The following DOCK4 variants were observed in gnomAD, a reference collection of about 807,000 sequenced individuals.
The protein encoded by DOCK4 is dedicator of cytokinesis protein 4.
Under a neutral mutation model 268.1 loss-of-function variants are expected in DOCK4, and 97 were observed. The ratio of observed to expected loss-of-function variants is 0.36; its 90% CI spans 0.31 to 0.43. DOCK4 has a LOEUF of 0.43. Ranked by LOEUF, DOCK4 falls within the 20% of genes least tolerant of loss-of-function variation. The pLI, the probability that DOCK4 is intolerant of heterozygous loss-of-function variation, is 1.00. For missense variants in DOCK4, 2,145 were observed against 2,455.7 expected (o/e 0.87, Z 2.67); for synonymous variants, 954 against 887.2 (o/e 1.08, Z -1.34).
chr7:111,908,461 A>AAATAATAACAAT (rs1554366845), intron 13 of DOCK4, among the ~76,000 whole-genome samples: 1 of 150,148 alleles, frequency 6.7e-6, no homozygotes, highest in Non-Finnish European at 1.5e-5. Flanking sequence ...AAAATAAATA[A>AAATAATAACAAT]AATAATAATA....
chr7:111,898,527 CT>C (rs1790860363), intron 15 of DOCK4, among the ~76,000 whole-genome samples: 1 of 152,220 alleles, frequency 6.6e-6, no homozygotes, highest in East Asian at 1.9e-4. Context: ...GGAATGAAAG[CT>C]CTGTGAGCGG....
intron 32 of DOCK4, 129 bp from the exon 33 acceptor site, chr7:111,784,252 G>T (rs1799001376): frequency 1.8e-6 from 2 of 1,096,096 alleles, no homozygotes; most frequent in Non-Finnish European, 2.7e-6. Context: ...TTTTTTCCTA[G>T]CTTCTCCCTT....
chr7:112,151,979 CTA>C (rs1298871899), intron 1 of DOCK4, among the ~76,000 whole-genome samples: 1 of 143,962 alleles, frequency 6.9e-6, no homozygotes, highest in Admixed American at 6.9e-5. Flanking sequence ...AAAAAAAAAA[CTA>C]ATTCTAGCTA....
At chr7:111,848,080 A>C (rs1213292681) in intron 23 of DOCK4, among the ~76,000 whole-genome samples, 1 of 152,154 alleles carries the variant, frequency 6.6e-6, no homozygotes, top group Non-Finnish European at 1.5e-5. Flanking sequence ...TGTTCTTCAG[A>C]TCTGGGAATT....
chr7:111,756,511 G>C (rs1231998702), intron 41 of DOCK4, among the ~76,000 whole-genome samples: 1 of 149,948 alleles, frequency 6.7e-6, no homozygotes, highest in African/African-American at 2.5e-5. Context: ...GTGCTTGTTT[G>C]AACTGCTGTT....
At chr7:112,021,856 T>C (rs1156791419) in intron 1 of DOCK4, among the ~76,000 whole-genome samples, 1 of 152,192 alleles carries the variant, frequency 6.6e-6, no homozygotes, top group African/African-American at 2.4e-5. Context: ...CTAGTTTACA[T>C]GAGCCAGCTG....
At chr7:112,184,523 C>CT (rs1481352448) in intron 1 of DOCK4, among the ~76,000 whole-genome samples, 7 of 151,552 alleles carry the variant, frequency 4.6e-5, no homozygotes, top group East Asian at 1.9e-4. Context: ...ATTCATTTTT[C>CT]TTTTTTTTTC....
At chr7:111,814,243 T>A (rs900992121) in intron 27 of DOCK4, among the ~76,000 whole-genome samples, 8 of 152,142 alleles carry the variant, frequency 5.3e-5, no homozygotes, top group African/African-American at 1.7e-4. Flanking sequence ...ACACACAAAA[T>A]ATATTTGTGG....
At chr7:111,787,791 T>TAC (rs1799279397) in intron 32 of DOCK4, among the ~76,000 whole-genome samples, 1 of 152,232 alleles carries the variant, frequency 6.6e-6, no homozygotes, top group South Asian at 2.1e-4. Context: ...AAAAATGTGT[T>TAC]ACTGCATTAT....
chr7:111,960,677 C>G (rs1458294998), intron 8 of DOCK4, among the ~76,000 whole-genome samples: 1 of 151,774 alleles, frequency 6.6e-6, no homozygotes, highest in Non-Finnish European at 1.5e-5. Flanking sequence ...ATTTTGTATC[C>G]TTCTTTTCCA....
Position 111,900,464 on chromosome 7 carries a change from T to G in DOCK4, c.1390A>C (p.Ser464Arg). The part of the protein sequence containing the change: ...YHSFVLYHNN[S>R]PRWSELLKLP... ...TTCAGCAGTTCAGACCACCTGGGACTGTTGTTATGGTAAAGCACAAAGGAG... is the reference window on the plus strand; with the variant it reads ...TTCAGCAGTTCAGACCACCTGGGACGGTTGTTATGGTAAAGCACAAAGGAG... The change falls in exon 15 of 53, where the codon AGT (serine) becomes CGT (arginine). Residue 464 changes from serine (S) to arginine (R), a missense_variant. Around this residue, in one of 2 missense-constraint regions of DOCK4, gnomAD observed 1,598 missense variants for 1,986.7 expected, o/e 0.80. Coordinates refer to ENST00000428084, the MANE Select transcript of DOCK4 (RefSeq NM_001363540.2). 6.2e-7 allele frequency: 1 copy of G among 1,613,336 alleles called. No individual in the cohort carries two copies. Among genetic ancestry groups the G allele is most frequent in the Non-Finnish European group, 8.5e-7 (1 of 1,179,688 alleles).
chr7:111,932,649 C>G (rs1794296495), intron 12 of DOCK4, among the ~76,000 whole-genome samples: 1 of 152,054 alleles, frequency 6.6e-6, no homozygotes, highest in Non-Finnish European at 1.5e-5. Context: ...CATTATTTAT[C>G]CCAATATATC....
At chr7:112,125,237 C>G (rs896498946) in intron 1 of DOCK4, among the ~76,000 whole-genome samples, 1 of 151,580 alleles carries the variant, frequency 6.6e-6, no homozygotes, top group African/African-American at 2.4e-5. Context: ...AGACAATGCT[C>G]CCCCCCTGCC....
At chr7:111,904,950 C>T (rs940925478) in intron 13 of DOCK4, among the ~76,000 whole-genome samples, 3 of 152,212 alleles carry the variant, frequency 2.0e-5, no homozygotes, top group African/African-American at 7.2e-5. Context: ...CTGTCACTAT[C>T]CCTGTAACCC....
intron 12 of DOCK4, among the ~76,000 whole-genome samples, chr7:111,923,242 G>T (rs573462002): frequency 6.6e-6 from 1 of 152,194 alleles, no homozygotes; most frequent in Non-Finnish European, 1.5e-5. Context: ...GCTATTTTAT[G>T]TAAGGGACTT....
intron 8 of DOCK4, among the ~76,000 whole-genome samples, chr7:111,970,397 T>C (rs139868310): frequency 9.5e-4 from 144 of 152,268 alleles, no homozygotes; most frequent in African/African-American, 3.1e-3. Context: ...ATCCACTGTA[T>C]AGAGTGTTAC....
intron 16 of DOCK4, among the ~76,000 whole-genome samples, chr7:111,882,821 C>T (rs1003294188): frequency 1.3e-5 from 2 of 152,090 alleles, no homozygotes; most frequent in East Asian, 3.9e-4. Flanking sequence ...CATGTTGAGG[C>T]TGGTCTCGAA....
intron 25 of DOCK4, among the ~76,000 whole-genome samples, chr7:111,838,594 A>G (rs1032123428): frequency 6.6e-6 from 1 of 152,216 alleles, no homozygotes; most frequent in African/African-American, 2.4e-5. Context: ...GATTAATAAT[A>G]ATAGCTATGT....
chr7:111,742,504 T>C (rs1441606176), intron 44 of DOCK4, among the ~76,000 whole-genome samples: 2 of 152,068 alleles, frequency 1.3e-5, no homozygotes, highest in Non-Finnish European at 1.5e-5. Flanking sequence ...TGCTCACTGT[T>C]AAGAGGGCCG....
Sources: allele counts gnomAD v4.1 joint callset (sites outside exome capture counted in the v4.1 genomes callset), GRCh38; gene constraint gnomAD v4.1.1; regional missense constraint gnomAD v4.1.1; transcripts MANE v1.5; gene names NCBI Gene and HGNC (gene_info 2026-07-23, HGNC 2026-07-21).